RAD21: variants seen among roughly 807,000 people sequenced by gnomAD.
RAD21 encodes the protein double-strand-break repair protein rad21 homolog.
RAD21 carries 18 observed loss-of-function variants against 71.5 expected under a neutral mutation model. That is an observed-to-expected ratio of 0.25 (90% CI 0.17 to 0.37). RAD21 has a LOEUF of 0.37. RAD21 is among the 10% of genes least tolerant of loss of function. The probability of loss-of-function intolerance (pLI) is 1.00; values close to 1 mark genes in which losing one functional copy is unlikely to be tolerated. For missense variants in RAD21, 493 were observed against 769.1 expected (o/e 0.64, Z 4.25); for synonymous variants, 248 against 254.0 (o/e 0.98, Z 0.22).
chr8:116,847,573 G>A lies in RAD21; in HGVS notation c.1823C>T (p.Ala608Val). ...YSFLVLKKQQ[A>V]IELTQEEPYS... ...CGGTTCTTCCTGTGTCAGCTCAATA[G>A]CTTGCTGCTTTTTAAGAACCAAGAA... The change falls in exon 14 of 14, where the codon GCT (alanine) becomes GTT (valine). Residue 608 changes from alanine to valine, a missense_variant. By Grantham distance (64) the Ala-to-Val change is moderately conservative (BLOSUM62 0). Coordinates refer to ENST00000297338, the MANE Select transcript of RAD21 (RefSeq NM_006265.3). 2 of 1,614,076 alleles carry A rather than the reference G, an allele frequency of 1.2e-6. No individual in the cohort carries two copies. The highest frequency in any genetic ancestry group is 1.7e-6 in the Non-Finnish European group (2 of 1,179,972).
intron 8 of RAD21, among the ~76,000 whole-genome samples, chr8:116,854,698 A>C (rs1055346979): frequency 6.6e-6 from 1 of 152,200 alleles, no homozygotes; most frequent in African/African-American, 2.4e-5. Flanking sequence ...GAGTATGTAT[A>C]GACTTTTAGC....
rs1812421610 is a variant in RAD21, at chr8:116,854,485, A to C, written c.938-17T>G. On this transcript the variant is annotated splice_polypyrimidine_tract_variant and intron_variant, in intron 8 of 13. Transcript: ENST00000297338. ...TTTCTTTAACTGGAATGATAATAAA[A>C]AATAAGATCATTTTCCTGAGAGGCC... The C allele has an allele frequency of 6.3e-7, 1 of 1,586,450 alleles. No homozygotes were observed. Among genetic ancestry groups the C allele is most frequent in the African/African-American group, 1.3e-5 (1 of 74,148 alleles).
intron 4 of RAD21, 80 bp downstream of exon 4, chr8:116,861,761 G>A (rs1484416009): frequency 1.1e-5 from 11 of 992,686 alleles, no homozygotes; most frequent in Non-Finnish European, 1.5e-5. Context: ...AACATTCCAA[G>A]GAAAACTATA....
chr8:116,849,222 CA>C (rs1346790056), intron 12 of RAD21, 193 bp from the exon 13 acceptor site: 1 of 443,634 alleles, frequency 2.3e-6, no homozygotes, highest in East Asian at 3.4e-5. Flanking sequence ...TCTTAAATTA[CA>C]AGGCAAAGTC....
rs1586283480 is a variant in RAD21, at chr8:116,874,598, C to T, written c.-33+13G>A. On this transcript the variant is annotated intron_variant, in intron 1 of 13. Transcript: ENST00000297338. ...GAGCTGGAGGAAAAGAAGGGGTCGGCCGAGTCTCTTACCTTGCTCTCCGCT... is the reference window on the plus strand; with the variant it reads ...GAGCTGGAGGAAAAGAAGGGGTCGGTCGAGTCTCTTACCTTGCTCTCCGCT... The T allele has an allele frequency of 3.0e-6, 1 of 338,912 alleles. No individual in the cohort carries two copies. Among genetic ancestry groups the T allele is most frequent in the African/African-American group, 2.2e-5 (1 of 44,742 alleles). 21.0% of individuals were successfully genotyped at this position (338,912 alleles called of 1,614,324 possible).
At chr8:116,872,404 A>G (rs1812842725) in intron 1 of RAD21, among the ~76,000 whole-genome samples, 2 of 152,166 alleles carry the variant, frequency 1.3e-5, no homozygotes. Context: ...TTCTCTATAT[A>G]TTTACGAGTT....
intron 7 of RAD21, 49 bp from the exon 8 acceptor site, chr8:116,856,337 T>G: frequency 7.1e-7 from 1 of 1,400,960 alleles, no homozygotes; most frequent in Non-Finnish European, 9.3e-7. Flanking sequence ...CTTTGGTATA[T>G]AACATATATC....
intron 7 of RAD21, 142 bp downstream of exon 7, chr8:116,856,496 TAGAATCAG>T: frequency 8.2e-7 from 1 of 1,222,000 alleles, no homozygotes; most frequent in Non-Finnish European, 1.1e-6. Context: ...AGATTAAACA[TAGAATCAG>T]AACCAGTAAT....
chr8:116,852,238 T>A lies in RAD21; in HGVS notation c.1322-142A>T, dbSNP rs1046911915. 12 of 852,522 alleles carry A rather than the reference T, an allele frequency of 1.4e-5. No homozygotes were observed. In the Admixed American group the frequency reaches 3.6e-4, roughly 26 times the overall value. The allele number at this position is 852,522 out of a possible 1,614,324, so 52.8% of individuals were successfully genotyped here. ...AAGGCCAGATAAAATTTTAGCTCCA[T>A]AAAGATTTACTCAATTTTTAGCAAT... On this transcript the variant is annotated intron_variant, in intron 10 of 13. Coordinates refer to ENST00000297338, the MANE Select transcript of RAD21 (RefSeq NM_006265.3).
chr8:116,873,222 C>T (rs1812871783), intron 1 of RAD21, among the ~76,000 whole-genome samples: 2 of 152,052 alleles, frequency 1.3e-5, no homozygotes, highest in African/African-American at 4.8e-5. Flanking sequence ...TTGTATGTTT[C>T]ACAAAATAAT....
Position 116,846,658 on chromosome 8 carries a change from G to A in RAD21, c.*842C>T, listed in dbSNP as rs1169113438. 7 of 225,230 alleles carry A rather than the reference G, an allele frequency of 3.1e-5. No homozygotes were observed. Among genetic ancestry groups the A allele is most frequent in the Non-Finnish European group, 5.3e-5 (6 of 112,868 alleles). The allele number at this position is 225,230 out of a possible 1,614,324, so 14.0% of individuals were successfully genotyped here. The stretch of plus-strand genomic sequence containing the variant: ...CATCAGTCTGTCCTTGTAGTAGGCA[G>A]GGCAATTTCTGTTTTCATGATCGGA... On this transcript the variant is annotated 3_prime_UTR_variant, in exon 14 of 14. Transcript: ENST00000297338.
chr8:116,851,827 G>T, intron 11 of RAD21, 121 bp downstream of exon 11: 1 of 1,044,568 alleles, frequency 9.6e-7, no homozygotes, highest in Non-Finnish European at 1.4e-6. Flanking sequence ...TCTTCCTCTG[G>T]ACTCATTCCT....
Position 116,854,263 on chromosome 8 carries a change from C to G in RAD21, c.1143G>C (p.Trp381Cys), listed in dbSNP as rs2130462808. 2 of 1,612,300 alleles carry G rather than the reference C, an allele frequency of 1.2e-6. No individual in the cohort carries two copies. ...ATATTACCTTCAGTAGTCTGTTATTCCACAAAGGCTGAGCAGGTAAAGAAA... is the reference window on the plus strand; with the variant it reads ...ATATTACCTTCAGTAGTCTGTTATTGCACAAAGGCTGAGCAGGTAAAGAAA... ...KLFSLPAQPL[W>C]NNRLLKLFTR... Residue 381 changes from tryptophan to cysteine, a missense_variant, in exon 9 of 14, where the codon TGG (tryptophan) becomes TGC (cysteine). Transcript: ENST00000297338.
chr8:116,848,477 C>T (rs1157886842), intron 13 of RAD21, among the ~76,000 whole-genome samples: 1 of 152,138 alleles, frequency 6.6e-6, no homozygotes. Context: ...CCTTGAGCAA[C>T]TTGCTTGGCA....
rs1308066942 is a variant in RAD21, at chr8:116,857,445, T to C, written c.510A>G (p.Ile170Met). Residue 170 changes from isoleucine to methionine, a missense_variant, in exon 6 of 14, where the codon ATA (isoleucine) becomes ATG (methionine). Physicochemically the swap from Ile to Met is conservative, Grantham distance 10 (BLOSUM62 1). Transcript: ENST00000297338. ...CCTCAAAAGCACTGCCTTCTCTCATTATCTCACGATCATCCATTCCAAAAT... is the reference window on the plus strand; with the variant it reads ...CCTCAAAAGCACTGCCTTCTCTCATCATCTCACGATCATCCATTCCAAAAT... ...FGDFGMDDRE[I>M]MREGSAFEDD... is the part of the protein sequence containing the mutation. The C allele has an allele frequency of 1.9e-6, 3 of 1,613,334 alleles. No individual in the cohort carries two copies. The highest frequency in any genetic ancestry group is 2.2e-5 in the East Asian group (1 of 44,802).
Position 116,847,676 on chromosome 8 carries a change from T to A in RAD21, c.1720A>T (p.Thr574Ser), listed in dbSNP as rs1812274093. 1 of 1,612,904 alleles carries A rather than the reference T, an allele frequency of 6.2e-7. No individual in the cohort carries two copies. The highest frequency in any genetic ancestry group is 1.1e-5 in the South Asian group (1 of 90,896). The part of the protein sequence containing the change: ...LHGLQRALAK[T>S]GAESISLLEL... ...AGCAAACTGATAGATTCAGCTCCAGTTTTAGCAAGAGCACGCTGAAATAAA... is the reference window on the plus strand; with the variant it reads ...AGCAAACTGATAGATTCAGCTCCAGATTTAGCAAGAGCACGCTGAAATAAA... Residue 574 changes from threonine to serine, a missense_variant, in exon 14 of 14, where the codon ACT becomes TCT. Around this residue, in one of 5 missense-constraint regions of RAD21, gnomAD observed 225 missense variants for 218.3 expected, o/e 1.03. Transcript: ENST00000297338.
intron 1 of RAD21, among the ~76,000 whole-genome samples, chr8:116,870,840 T>C (rs545605933): frequency 2.0e-5 from 3 of 152,246 alleles, no homozygotes; most frequent in Non-Finnish European, 2.9e-5. Context: ...AATTGGCATA[T>C]GTAAAAAATT....
At chr8:116,850,473 G>T in intron 12 of RAD21, 145 bp downstream of exon 12, 3 of 1,321,350 alleles carry the variant, frequency 2.3e-6, no homozygotes, top group Non-Finnish European at 3.1e-6. Flanking sequence ...TCAATACCAC[G>T]AAGAATATGG....
At chr8:116,853,987 G>C (rs577336185) in intron 9 of RAD21, among the ~76,000 whole-genome samples, 1 of 152,252 alleles carries the variant, frequency 6.6e-6, no homozygotes, top group African/African-American at 2.4e-5. Flanking sequence ...ATTTATTACA[G>C]AGAGAAGTAT....
Sources: gnomAD v4.1 joint callset for allele counts (sites outside exome capture counted in the v4.1 genomes callset) on GRCh38, gnomAD v4.1.1 for gene constraint, gnomAD v4.1.1 regional missense constraint, MANE v1.5 for transcripts, NCBI Gene and HGNC (gene_info 2026-07-23, HGNC 2026-07-21) for gene names.